PLA2G7: variants seen among roughly 807,000 people sequenced by gnomAD.
PLA2G7 encodes the protein phospholipase A2 group VII, also known as platelet-activating factor acetylhydrolase.
PLA2G7 carries 63 observed loss-of-function variants against 49.6 expected under a neutral mutation model. That is an observed-to-expected ratio of 1.27 (90% CI 1.04 to 1.57). PLA2G7 has a LOEUF of 1.57. PLA2G7 is among the 40% of genes most tolerant of loss of function. The pLI is 0.00. For missense variants in PLA2G7, 596 were observed against 521.2 expected, an observed-to-expected ratio of 1.14 and a Z score of -1.40; for synonymous variants, 193 against 169.9, an observed-to-expected ratio of 1.14 and a Z score of -1.06.
In PLA2G7 at chr6:46,716,417, A is replaced by G. The variant is rs200782042; in HGVS notation, c.343T>C (p.Trp115Arg). 5.0e-6 allele frequency: 8 copies of G among 1,613,992 alleles called. No homozygotes were observed. The highest frequency in any genetic ancestry group is 5.9e-6 in the Non-Finnish European group (7 of 1,179,992). Reference protein sequence around the residue: ...WGLSKFLGTHWLMGNILRLLF... With the variant: ...WGLSKFLGTHRLMGNILRLLF... ...AACCTCAAAATGTTGCCCATAAGCC[A>G]GTGTGTTCCAAGAAATTTGCTAAGA... The change falls in exon 4 of 12, where the codon TGG becomes CGG. Residue 115 changes from tryptophan (W) to arginine (R), a missense_variant. Physicochemically the swap from Trp to Arg is moderately radical, Grantham distance 101. Coordinates refer to ENST00000274793, the MANE Select transcript of PLA2G7 (RefSeq NM_005084.4).
In PLA2G7 at chr6:46,710,064, C is replaced by T. The variant is rs959571789; in HGVS notation, c.777+481G>A. 5.9e-5 allele frequency among the ~76,000 whole-genome samples: 9 copies of T among 152,070 alleles called. No homozygotes were observed. In the South Asian group the frequency reaches 1.7e-3, roughly 28 times the overall value. On this transcript the variant is annotated intron_variant, in intron 8 of 11. Coordinates refer to ENST00000274793, the MANE Select transcript of PLA2G7 (RefSeq NM_005084.4). ...AAGAGAGTGGCTGCTTGAGGGATAACAAATTTCTTCATTGTATCTGGAGAA... is the reference window on the plus strand; with the variant it reads ...AAGAGAGTGGCTGCTTGAGGGATAATAAATTTCTTCATTGTATCTGGAGAA...
At chr6:46,730,325 C>G (rs1765698375) in intron 1 of PLA2G7, among the ~76,000 whole-genome samples, 1 of 152,158 alleles carries the variant, frequency 6.6e-6, no homozygotes, top group African/African-American at 2.4e-5. Context: ...AGTAGCTTTT[C>G]AACAATTAGC....
chr6:46,727,601 T>C (rs1765612531), intron 1 of PLA2G7, among the ~76,000 whole-genome samples: 1 of 152,184 alleles, frequency 6.6e-6, no homozygotes, highest in Non-Finnish European at 1.5e-5. Context: ...CAAAAAAGAA[T>C]TAAGATGCAA....
intron 10 of PLA2G7, among the ~76,000 whole-genome samples, chr6:46,706,619 C>T (rs1235131584): frequency 6.6e-6 from 1 of 152,130 alleles, no homozygotes; most frequent in Non-Finnish European, 1.5e-5. Flanking sequence ...CGTGGGGGCC[C>T]AGGAAGCTAG....
intron 1 of PLA2G7, 46 bp downstream of exon 1, chr6:46,735,134 G>T: frequency 7.0e-6 from 1 of 142,730 alleles, no homozygotes; most frequent in South Asian, 2.6e-4. Flanking sequence ...CGCGGCGACC[G>T]TGCCCTTCCT....
chr6:46,718,698 C>T (rs539350411), intron 2 of PLA2G7, among the ~76,000 whole-genome samples: 1 of 152,314 alleles, frequency 6.6e-6, no homozygotes, highest in African/African-American at 2.4e-5. Flanking sequence ...CCCTGATTTC[C>T]CAGACAGACT....
intron 11 of PLA2G7, 52 bp from the exon 12 acceptor site, chr6:46,704,748 C>A: frequency 8.8e-7 from 1 of 1,130,558 alleles, no homozygotes; most frequent in Non-Finnish European, 1.3e-6. Flanking sequence ...GAGCATTAAA[C>A]AGTTTGGTGC....
intron 2 of PLA2G7, 136 bp from the exon 3 acceptor site, chr6:46,717,232 A>G: frequency 1.3e-6 from 1 of 794,420 alleles, no homozygotes; most frequent in Non-Finnish European, 2.2e-6. Context: ...CAAGTAAGAT[A>G]TGCAATTATT....
rs1418037672 is a variant in PLA2G7 at position 46,704,454 on chromosome 6, TCTCTCTCTCTCTCTCTCTCTCTCTCA to T, written c.*80_*105del. The T allele has an allele frequency of 3.5e-5, 19 of 540,602 alleles. No individual in the cohort carries two copies. The highest frequency in any genetic ancestry group is 5.8e-5 in the Non-Finnish European group (18 of 309,022). 33.5% of individuals were successfully genotyped at this position (540,602 alleles called of 1,614,324 possible). A position where few individuals can be genotyped will look rare whatever the true frequency, so the allele number is the denominator to read the frequency against. ...AATACATTAAAATTCTCTCTCTCTC[TCTCTCTCTCTCTCTCTCTCTCTCTCA>T]CACACACACACACACACACACACAC... On this transcript the variant is annotated 3_prime_UTR_variant, in exon 12 of 12. Coordinates refer to ENST00000274793, the MANE Select transcript of PLA2G7 (RefSeq NM_005084.4).
Position 46,711,553 on chromosome 6 carries a change from A to T in PLA2G7, c.606T>A (p.Ser202=). The T allele has an allele frequency of 6.2e-7, 1 of 1,613,808 alleles. No individual in the cohort carries two copies. ...DQSAAEIGDK[S]WLYLRTLKQE... The stretch of plus-strand genomic sequence containing the variant: ...GTTTCAGGGTTCTAAGGTAGAGCCA[A>T]GACTTGTCCCCTATTTCTGCAGCAG... Residue 202 remains serine, a synonymous_variant, in exon 7 of 12, where the codon TCT becomes TCA. Transcript: ENST00000274793.
intron 1 of PLA2G7, among the ~76,000 whole-genome samples, chr6:46,723,901 C>T (rs1027781885): frequency 3.9e-5 from 6 of 152,182 alleles, no homozygotes; most frequent in South Asian, 4.1e-4. Context: ...CAACACACTC[C>T]CAATCCTTCC....
At chr6:46,712,446 C>G in intron 5 of PLA2G7, 109 bp from the exon 6 acceptor site, 1 of 789,502 alleles carries the variant, frequency 1.3e-6, no homozygotes. Flanking sequence ...TAGTAGTGCC[C>G]TGGGGTGGAG....
Position 46,708,052 on chromosome 6 carries a change from TAGC to T in PLA2G7, c.976_978del (p.Ala326del), listed in dbSNP as rs765298853. 152 of 1,593,078 alleles carry T rather than the reference TAGC, an allele frequency of 9.5e-5. No homozygotes were observed. The highest frequency in any genetic ancestry group is 1.3e-4 in the Non-Finnish European group (147 of 1,161,204). Reference sequence around the variant, plus strand: ...TAGCATTTTTTCATTTTTATGATATTAGCAGGATATTGGAAATATTCAGAGTTG... The same window carrying T: ...TAGCATTTTTTCATTTTTATGATATTAGGATATTGGAAATATTCAGAGTTG... On this transcript the variant is annotated inframe_deletion, in exon 10 of 12. Coordinates refer to ENST00000274793, the MANE Select transcript of PLA2G7 (RefSeq NM_005084.4).
intron 2 of PLA2G7, among the ~76,000 whole-genome samples, chr6:46,717,301 T>A (rs540003689): frequency 6.6e-6 from 1 of 152,192 alleles, no homozygotes. Context: ...GAGATGAAAG[T>A]AGACATAGCC....
intron 9 of PLA2G7, among the ~76,000 whole-genome samples, chr6:46,708,399 C>G (rs1232634001): frequency 6.6e-6 from 1 of 152,124 alleles, no homozygotes; most frequent in Non-Finnish European, 1.5e-5. Context: ...GGAATTGCAA[C>G]CATTTGAGTG....
intron 1 of PLA2G7, 66 bp downstream of exon 1, chr6:46,735,114 C>T (rs553498261): frequency 1.8e-4 from 28 of 151,916 alleles, no homozygotes; most frequent in African/African-American, 5.1e-4. Context: ...TCCGGGGTCC[C>T]GACCTCCAGC....
At position 46,708,180 on chromosome 6, in the gene PLA2G7, A is replaced by G; in HGVS notation, c.870-19T>C. ...ACCACATCTGTAGATATTTGTTGAC[A>G]ATGATGAAATTAAACTGGTTACATA... On this transcript the variant is annotated intron_variant, in intron 9 of 11. Coordinates refer to ENST00000274793, the MANE Select transcript of PLA2G7 (RefSeq NM_005084.4). 1.3e-6 allele frequency: 2 copies of G among 1,594,834 alleles called. No homozygotes were observed. Among genetic ancestry groups the G allele is most frequent in the Non-Finnish European group, 1.7e-6 (2 of 1,162,722 alleles).
chr6:46,725,517 G>A (rs1425974294), intron 1 of PLA2G7, among the ~76,000 whole-genome samples: 2 of 151,896 alleles, frequency 1.3e-5, no homozygotes, highest in South Asian at 2.1e-4. Context: ...GTCATCAGCC[G>A]CCGTGTCCAG....
intron 5 of PLA2G7, 49 bp from the exon 6 acceptor site, chr6:46,712,386 A>C (rs1290311961): frequency 7.3e-7 from 1 of 1,375,294 alleles, no homozygotes; most frequent in East Asian, 2.3e-5. Context: ...CATGATTACA[A>C]GGCTGAGTCC....
Sources: gnomAD v4.1 joint callset for allele counts (sites outside exome capture counted in the v4.1 genomes callset) on GRCh38, gnomAD v4.1.1 for gene constraint, MANE v1.5 for transcripts, NCBI Gene and HGNC (gene_info 2026-07-23, HGNC 2026-07-21) for gene names.